SPMIP2: variants seen among roughly 807,000 people sequenced by gnomAD.
SPMIP2 encodes protein SPMIP2.
At chr4:159,011,479 G>A in the SPMIP2 span, among the ~76,000 whole-genome samples, 18 of 152,156 alleles carry the variant, frequency 1.2e-4, no homozygotes, top group South Asian at 2.1e-4. Context: ...GGCTGGACGC[G>A]GTGGCTCACG....
the SPMIP2 span, among the ~76,000 whole-genome samples, chr4:158,987,013 CA>C: frequency 7.2e-6 from 1 of 139,018 alleles, no homozygotes; most frequent in Non-Finnish European, 1.5e-5. Context: ...TTTATGCAGC[CA>C]AAAAACACAT....
At chr4:158,928,945 C>T in the SPMIP2 span, among the ~76,000 whole-genome samples, 1 of 152,148 alleles carries the variant, frequency 6.6e-6, no homozygotes, top group African/African-American at 2.4e-5. Flanking sequence ...CTGAACGCAT[C>T]AGAACATCAG....
the SPMIP2 span, among the ~76,000 whole-genome samples, chr4:158,940,044 C>G: frequency 2.0e-5 from 3 of 152,106 alleles, no homozygotes; most frequent in Non-Finnish European, 2.9e-5. Flanking sequence ...CTGCCATAAC[C>G]AAGTATCACA....
At chr4:159,041,854 TTA>T in the SPMIP2 span, among the ~76,000 whole-genome samples, 3 of 152,198 alleles carry the variant, frequency 2.0e-5, no homozygotes, top group Non-Finnish European at 4.4e-5. Flanking sequence ...CACAATAGTG[TTA>T]TGACACAGAA....
At chr4:158,986,614 T>C in the SPMIP2 span, among the ~76,000 whole-genome samples, 2 of 151,914 alleles carry the variant, frequency 1.3e-5, no homozygotes, top group East Asian at 3.9e-4. Flanking sequence ...TCCTTACACC[T>C]TATACAAAAA....
chr4:158,961,214 A>G, the SPMIP2 span, among the ~76,000 whole-genome samples: 1 of 152,128 alleles, frequency 6.6e-6, no homozygotes, highest in Non-Finnish European at 1.5e-5. Flanking sequence ...AAAAATTTCA[A>G]CATTAAAGGA....
the SPMIP2 span, among the ~76,000 whole-genome samples, chr4:159,042,026 T>C: frequency 6.6e-6 from 1 of 152,248 alleles, no homozygotes; most frequent in South Asian, 2.1e-4. Context: ...AACATGTTTT[T>C]CAAAATGTTA....
the SPMIP2 span, chr4:158,973,423 T>G: frequency 1.6e-6 from 1 of 606,164 alleles, no homozygotes; most frequent in Non-Finnish European, 2.8e-6. Context: ...CTTACTACGT[T>G]CTAGGTTCTA....
At chr4:158,979,342 C>T in the SPMIP2 span, among the ~76,000 whole-genome samples, 13 of 152,290 alleles carry the variant, frequency 8.5e-5, no homozygotes, top group African/African-American at 2.9e-4. Flanking sequence ...TGGCTTCAGC[C>T]TCCTCTCCAG....
the SPMIP2 span, among the ~76,000 whole-genome samples, chr4:158,927,928 C>T: frequency 9.8e-5 from 15 of 152,360 alleles, no homozygotes; most frequent in East Asian, 2.9e-3. Context: ...CGGGCCTTAG[C>T]TGCCTTCCTG....
chr4:158,984,976 A>G, the SPMIP2 span, among the ~76,000 whole-genome samples: 1 of 152,108 alleles, frequency 6.6e-6, no homozygotes, highest in African/African-American at 2.4e-5. Flanking sequence ...ATAGAAATAC[A>G]AACTACCATC....
chr4:158,895,567 C>CCTATAAGAATAGGTAT, the SPMIP2 span, among the ~76,000 whole-genome samples: 4 of 152,170 alleles, frequency 2.6e-5, no homozygotes, highest in Non-Finnish European at 5.9e-5. Context: ...CTTTGTTTTA[C>CCTATAAGAATAGGTAT]AAGAACCTAT....
chr4:158,989,997 A>G, the SPMIP2 span, among the ~76,000 whole-genome samples: 3 of 152,248 alleles, frequency 2.0e-5, no homozygotes, highest in African/African-American at 7.2e-5. Context: ...CAAAGGGCTA[A>G]TATCCAGAAT....
the SPMIP2 span, among the ~76,000 whole-genome samples, chr4:158,946,611 C>A: frequency 6.6e-6 from 1 of 152,216 alleles, no homozygotes; most frequent in African/African-American, 2.4e-5. Flanking sequence ...GCCTCCCCAG[C>A]CATGCAGAAC....
chr4:158,929,297 C>A, the SPMIP2 span, among the ~76,000 whole-genome samples: 12 of 152,236 alleles, frequency 7.9e-5, no homozygotes, highest in Admixed American at 3.9e-4. Flanking sequence ...GGATTACAGG[C>A]ATAAGCCAAC....
the SPMIP2 span, among the ~76,000 whole-genome samples, chr4:158,979,789 G>GTTTTTTTTTTTTTTTTT: frequency 9.6e-6 from 1 of 104,512 alleles, no homozygotes; most frequent in African/African-American, 4.2e-5. Context: ...AGTTGCAAGA[G>GTTTTTTTTTTTTTTTTT]TTTTTTTTTT....
chr4:159,061,093 A>AT, the SPMIP2 span, among the ~76,000 whole-genome samples: 5 of 125,498 alleles, frequency 4.0e-5, no homozygotes, highest in Non-Finnish European at 8.5e-5. Context: ...TCAAAAAAAA[A>AT]AATATATATA....
At chr4:158,988,710 A>T in the SPMIP2 span, among the ~76,000 whole-genome samples, 1 of 152,226 alleles carries the variant, frequency 6.6e-6, no homozygotes, top group Admixed American at 6.5e-5. Context: ...ATAAACTCTC[A>T]ATAAACTAGG....
At chr4:158,897,425 CCA>C in the SPMIP2 span, among the ~76,000 whole-genome samples, 1 of 152,166 alleles carries the variant, frequency 6.6e-6, no homozygotes, top group South Asian at 2.1e-4. Flanking sequence ...ACACTGTTTT[CCA>C]CAGTGATTGA....
Sources: allele counts gnomAD v4.1 joint callset (sites outside exome capture counted in the v4.1 genomes callset), GRCh38; gene constraint gnomAD v4.1.1; transcripts MANE v1.5; gene names NCBI Gene and HGNC (gene_info 2026-07-23, HGNC 2026-07-21).